The following KCNC2 variants were observed in gnomAD, a reference collection of about 807,000 sequenced individuals.
The protein encoded by KCNC2 is voltage-gated potassium channel KCNC2.
In KCNC2, 21 loss-of-function variants were observed where a neutral mutation model predicts 44.5. The observed-to-expected ratio is 0.47, with a 90% confidence interval of 0.33 to 0.68. The LOEUF (loss-of-function observed/expected upper bound fraction) is 0.68. KCNC2 is among the 30% of genes least tolerant of loss of function. KCNC2 has a pLI of 0.01. For synonymous variants in KCNC2, 391 were observed against 339.1 expected (o/e 1.15, Z -1.68); for missense variants, 589 against 826.2 (o/e 0.71, Z 3.52).
chr12:75,107,701 G>A (rs1886901510), intron 2 of KCNC2, among the ~76,000 whole-genome samples: 1 of 128,064 alleles, frequency 7.8e-6, no homozygotes, highest in South Asian at 2.6e-4. Flanking sequence ...GGAATGTGGT[G>A]ATGGCAACTG....
chr12:75,127,131 G>A (rs1332827891), intron 2 of KCNC2, among the ~76,000 whole-genome samples: 1 of 152,110 alleles, frequency 6.6e-6, no homozygotes, highest in Non-Finnish European at 1.5e-5. Context: ...ACTCAAGGTG[G>A]AAATAACAGA....
intron 2 of KCNC2, among the ~76,000 whole-genome samples, chr12:75,199,223 C>T (rs1684585681): frequency 6.6e-6 from 1 of 151,792 alleles, no homozygotes; most frequent in Non-Finnish European, 1.5e-5. Flanking sequence ...GTCTACAGCA[C>T]AGTCAGATAT....
At chr12:75,167,959 T>G (rs1415021674) in intron 2 of KCNC2, among the ~76,000 whole-genome samples, 1 of 151,342 alleles carries the variant, frequency 6.6e-6, no homozygotes, top group African/African-American at 2.4e-5. Flanking sequence ...GCATTTTATC[T>G]TCTATATTTG....
At chr12:75,137,472 A>G (rs1947618) in intron 2 of KCNC2, among the ~76,000 whole-genome samples, 30,262 of 152,086 alleles carry the variant, frequency 0.2, 3,467 homozygotes, top group Admixed American at 0.27. Context: ...TCTTCATCAG[A>G]CCATGGAAAA....
In KCNC2 at chr12:75,042,217, TTA is replaced by T. The variant is rs1299230378; in HGVS notation, c.*886_*887del. ...GACAAACCCTGGGTATTTTTTTTTT[TTA>T]AAGAGTCTAGAACCAAGCAGCAATT... is the stretch of plus-strand genomic sequence containing the variant. On this transcript the variant is annotated 3_prime_UTR_variant, in exon 5 of 5. Transcript: ENST00000549446. 1.2e-4 allele frequency: 170 copies of T among 1,391,554 alleles called. No individual in the cohort carries two copies. Among genetic ancestry groups the T allele is most frequent in the South Asian group, 8.3e-4 (46 of 55,118 alleles). The allele number at this position is 1,391,554 out of a possible 1,614,324, so 86.2% of individuals were successfully genotyped here. A position where few individuals can be genotyped will look rare whatever the true frequency, so the allele number is the denominator to read the frequency against.
chr12:75,106,008 T>A (rs1163232662), intron 2 of KCNC2, among the ~76,000 whole-genome samples: 1 of 151,358 alleles, frequency 6.6e-6, no homozygotes, highest in Non-Finnish European at 1.5e-5. Flanking sequence ...TCCCAGAAAA[T>A]TCAATCATTA....
intron 2 of KCNC2, among the ~76,000 whole-genome samples, chr12:75,162,716 C>A (rs538668901): frequency 6.6e-6 from 1 of 151,850 alleles, no homozygotes; most frequent in South Asian, 2.1e-4. Flanking sequence ...TTGCTGCCTA[C>A]TCATCCTCAA....
At chr12:75,138,217 G>A (rs1889368662) in intron 2 of KCNC2, among the ~76,000 whole-genome samples, 1 of 151,972 alleles carries the variant, frequency 6.6e-6, no homozygotes, top group Non-Finnish European at 1.5e-5. Context: ...TTTGCCAATG[G>A]GAAAAAAATC....
At chr12:75,104,239 C>T (rs1886600730) in intron 2 of KCNC2, among the ~76,000 whole-genome samples, 1 of 152,082 alleles carries the variant, frequency 6.6e-6, no homozygotes, top group South Asian at 2.1e-4. Flanking sequence ...TGTCAATGAT[C>T]AAAAGCACGG....
chr12:75,115,311 T>C (rs1887580121), intron 2 of KCNC2, among the ~76,000 whole-genome samples: 1 of 152,188 alleles, frequency 6.6e-6, no homozygotes, highest in South Asian at 2.1e-4. Context: ...CCACACATTA[T>C]CTGATTTTAT....
At position 75,047,029 on chromosome 12, in the gene KCNC2, A is replaced by G. The variant is rs533926085; in HGVS notation, c.1780+1124T>C. Among the ~76,000 whole-genome samples, 12 of 152,186 alleles carry G rather than the reference A, an allele frequency of 7.9e-5. No homozygotes were observed. The East Asian group carries it at 1.7e-3, about 22-fold the overall frequency. The stretch of plus-strand genomic sequence containing the variant: ...CAATAGGGAGAAACTCCAATGAATA[A>G]CAACTAAGCACGGTATTATTTAAAT... On this transcript the variant is annotated intron_variant, in intron 4 of 4. Coordinates refer to ENST00000549446, the MANE Select transcript of KCNC2 (RefSeq NM_139137.4).
chr12:75,052,405 C>A (rs1039175871), intron 2 of KCNC2, among the ~76,000 whole-genome samples: 1 of 152,112 alleles, frequency 6.6e-6, no homozygotes, highest in African/African-American at 2.4e-5. Context: ...GGATCACATA[C>A]TTCTTAATAT....
chr12:75,208,985 G>A (rs967625643), intron 1 of KCNC2, among the ~76,000 whole-genome samples: 2 of 152,040 alleles, frequency 1.3e-5, no homozygotes, highest in Non-Finnish European at 1.5e-5. Context: ...GGAGGGGCGA[G>A]GCTCGGGGAA....
At chr12:75,198,401 A>T (rs1301822856) in intron 2 of KCNC2, among the ~76,000 whole-genome samples, 1 of 151,890 alleles carries the variant, frequency 6.6e-6, no homozygotes, top group African/African-American at 2.4e-5. Context: ...TTGTACAGAG[A>T]AAAGTCAGTT....
intron 2 of KCNC2, among the ~76,000 whole-genome samples, chr12:75,064,040 A>G (rs951811245): frequency 6.6e-6 from 1 of 152,100 alleles, no homozygotes; most frequent in Non-Finnish European, 1.5e-5. Flanking sequence ...TCTTAGCCAT[A>G]AATGACAAAA....
At chr12:75,055,563 C>T (rs1881652313) in intron 2 of KCNC2, among the ~76,000 whole-genome samples, 1 of 152,030 alleles carries the variant, frequency 6.6e-6, no homozygotes, top group Non-Finnish European at 1.5e-5. Flanking sequence ...GAAAGCTCTC[C>T]AGACAAGGTA....
intron 2 of KCNC2, 45 bp from the exon 3 acceptor site, chr12:75,051,362 G>C: frequency 2.9e-6 from 3 of 1,051,432 alleles, no homozygotes; most frequent in Non-Finnish European, 4.1e-6. Flanking sequence ...GATCTGAATC[G>C]TAATATATGT....
intron 3 of KCNC2, 21 bp from the exon 4 acceptor site, chr12:75,048,338 A>G (rs1435353679): frequency 6.3e-7 from 1 of 1,587,684 alleles, no homozygotes; most frequent in Non-Finnish European, 8.6e-7. Context: ...CACCATGCCC[A>G]TTGACAGACA....
rs1442160434 is a variant in KCNC2 at position 75,040,150 on chromosome 12, G to C, written c.*2955C>G. 1 of 151,978 alleles carries C rather than the reference G, an allele frequency of 6.6e-6. No homozygotes were observed. Among genetic ancestry groups the C allele is most frequent in the Non-Finnish European group, 1.5e-5 (1 of 67,950 alleles). 9.4% of individuals were successfully genotyped at this position (151,978 alleles called of 1,614,324 possible). A position where few individuals can be genotyped will look rare whatever the true frequency, so the allele number is the denominator to read the frequency against. Reference sequence around the variant, plus strand: ...CATTTGCCTTTTATTCTTCATTTCAGTTAGTTACATTTCCACTGGTTATCA... The same window carrying C: ...CATTTGCCTTTTATTCTTCATTTCACTTAGTTACATTTCCACTGGTTATCA... On this transcript the variant is annotated 3_prime_UTR_variant, in exon 5 of 5. Transcript: ENST00000549446.
Sources: gnomAD v4.1 joint callset for allele counts (sites outside exome capture counted in the v4.1 genomes callset) on GRCh38, gnomAD v4.1.1 for gene constraint, MANE v1.5 for transcripts, NCBI Gene and HGNC (gene_info 2026-07-23, HGNC 2026-07-21) for gene names.